Variants in OTX1 observed in about 807,000 individuals in gnomAD.
OTX1 encodes homeobox protein OTX1.
In OTX1, 7 loss-of-function variants were observed where a neutral mutation model predicts 26.7. The ratio of observed to expected loss-of-function variants is 0.26; its 90% CI spans 0.15 to 0.49. The LOEUF (loss-of-function observed/expected upper bound fraction) is 0.49. Ranked by LOEUF, OTX1 falls within the 20% of genes least tolerant of loss-of-function variation. OTX1 has a pLI of 0.98. For synonymous variants in OTX1, 216 were observed against 212.8 expected, an observed-to-expected ratio of 1.01 and a Z score of -0.13; for missense variants, 414 against 483.8, an observed-to-expected ratio of 0.86 and a Z score of 1.35.
chr2:63,055,555 G>A lies in OTX1; in HGVS notation c.304G>A (p.Gly102Arg). The change falls in exon 5 of 5, where the codon GGA becomes AGA. Residue 102 changes from glycine to arginine, a missense_variant. Physicochemically the swap from Gly to Arg is moderately radical, Grantham distance 125. Transcript: ENST00000282549. This position sits in a 1 kb window ranked among gnomAD's most constrained non-coding sequence, Gnocchi z 5.2. ...KCRQQQQSGS[G>R]TKSRPAKKKS... ...CCGCCAGCAGCAGCAGAGCGGGAGC[G>A]GAACCAAGAGCCGCCCAGCCAAGAA... is the stretch of plus-strand genomic sequence containing the variant. 3 of 1,614,148 alleles carry A rather than the reference G, an allele frequency of 1.9e-6. No individual in the cohort carries two copies. Among genetic ancestry groups the A allele is most frequent in the Non-Finnish European group, 2.5e-6 (3 of 1,180,032 alleles).
chr2:63,056,041 C>T lies in OTX1; in HGVS notation c.790C>T (p.Leu264Phe), dbSNP rs1367828799. The change falls in exon 5 of 5, where the codon CTC becomes TTC. Residue 264 changes from leucine to phenylalanine, a missense_variant. Leu to Phe is a conservative substitution (Grantham distance 22). This residue lies in a region of OTX1 where 320 missense variants were observed against 347.9 expected (regional missense o/e 0.92). Transcript: ENST00000282549. ...PMHSHHHPHQ[L>F]SPMAPSSMAG... ...GCACTCACATCACCACCCGCACCAG[C>T]TCAGCCCCATGGCACCCTCCTCCAT... 6.2e-7 allele frequency: 1 copy of T among 1,613,538 alleles called. No homozygotes were observed.
In OTX1 at chr2:63,055,685, C is replaced by G; in HGVS notation, c.434C>G (p.Ser145Cys). The G allele has an allele frequency of 2.5e-6, 4 of 1,613,874 alleles. No individual in the cohort carries two copies. The highest frequency in any genetic ancestry group is 3.4e-6 in the Non-Finnish European group (4 of 1,179,968). ...TCGTCCTCTAGCTCGGCGTCCAGCT[C>G]TTCCGCCAACCCAGCGGCTGCAGCG... is the stretch of plus-strand genomic sequence containing the variant. ...SASSSSSASS[S>C]SANPAAAAAA... is the part of the protein sequence containing the mutation. Residue 145 changes from serine (S) to cysteine (C), a missense_variant, in exon 5 of 5, where the codon TCT becomes TGT. By Grantham distance (112) the Ser-to-Cys change is moderately radical. Transcript: ENST00000282549. This position sits in a 1 kb window ranked among gnomAD's most constrained non-coding sequence, Gnocchi z 5.2.
chr2:63,056,424 G>A lies in OTX1; in HGVS notation c.*108G>A. 9.9e-7 allele frequency: 1 copy of A among 1,005,056 alleles called. No individual in the cohort carries two copies. Among genetic ancestry groups the A allele is most frequent in the Non-Finnish European group, 1.5e-6 (1 of 687,096 alleles). The allele number at this position is 1,005,056 out of a possible 1,614,324, so 62.3% of individuals were successfully genotyped here. A position where few individuals can be genotyped will look rare whatever the true frequency, so the allele number is the denominator to read the frequency against. On this transcript the variant is annotated 3_prime_UTR_variant, in exon 5 of 5. Coordinates refer to ENST00000282549, the MANE Select transcript of OTX1 (RefSeq NM_014562.4). ...CCTTTGCCTCGTCTTCTCCAAAACT[G>A]AATTTTCACCCCCCAAAAAGATGTC...
chr2:63,053,114 C>G (rs2062037869), intron 3 of OTX1, 27 bp downstream of exon 3: 2 of 1,448,440 alleles, frequency 1.4e-6, no homozygotes, highest in Non-Finnish European at 1.9e-6. Context: ...CCGACCCTGC[C>G]TCAGCCTCTC....
intron 3 of OTX1, among the ~76,000 whole-genome samples, chr2:63,053,757 G>A (rs1486270896): frequency 6.6e-6 from 1 of 152,078 alleles, no homozygotes; most frequent in Non-Finnish European, 1.5e-5. Context: ...CAGGGGAGAG[G>A]GGATGTAGAA....
chr2:63,054,871 AT>A (rs1207285217), intron 4 of OTX1, among the ~76,000 whole-genome samples: 1 of 152,180 alleles, frequency 6.6e-6, no homozygotes, highest in Non-Finnish European at 1.5e-5. Context: ...AAGAGTAACC[AT>A]TCCATTTGGT....
chr2:63,050,494 G>T (rs1375051691), upstream of OTX1, among the ~76,000 whole-genome samples: 1 of 152,202 alleles, frequency 6.6e-6, no homozygotes, highest in Non-Finnish European at 1.5e-5. Context: ...AGCGCCGAGA[G>T]CGCGAGAAGG....
chr2:63,055,477 T>A lies in OTX1; in HGVS notation c.250-24T>A, dbSNP rs751008670. ...GCTCCCCTAGCTCCCTTTGACCCAC[T>A]CTCCCCCATCCGGCCCACTGCAGGT... is the stretch of plus-strand genomic sequence containing the variant. On this transcript the variant is annotated intron_variant, in intron 4 of 4. Coordinates refer to ENST00000282549, the MANE Select transcript of OTX1 (RefSeq NM_014562.4). The surrounding 1 kb of genome is among the most constrained non-coding windows in gnomAD (Gnocchi z 5.2). 2.6e-5 allele frequency: 42 copies of A among 1,600,072 alleles called. No individual in the cohort carries two copies. The highest frequency in any genetic ancestry group is 1.8e-4 in the Middle Eastern group (1 of 5,440).
Position 63,057,442 on chromosome 2 carries a change from A to G in OTX1, c.*1126A>G, listed in dbSNP as rs2062076581. On this transcript the variant is annotated 3_prime_UTR_variant, in exon 5 of 5. Transcript: ENST00000282549. ...TCACCCGGTCTAAGCACAGGGTCGC[A>G]GTTCCAGTTTACAAACCTAAAACAA... 1.3e-5 allele frequency: 2 copies of G among 152,354 alleles called. No homozygotes were observed. The highest frequency in any genetic ancestry group is 4.1e-4 in the South Asian group (2 of 4,840). 9.4% of individuals were successfully genotyped at this position (152,354 alleles called of 1,614,324 possible).
chr2:63,055,845 C>A lies in OTX1; in HGVS notation c.594C>A (p.Ala198=). 1 of 1,612,176 alleles carries A rather than the reference C, an allele frequency of 6.2e-7. No individual in the cohort carries two copies. Residue 198 remains alanine (A), a synonymous_variant, in exon 5 of 5, where the codon GCC becomes GCA. Transcript: ENST00000282549. The surrounding 1 kb of genome is among the most constrained non-coding windows in gnomAD (Gnocchi z 5.2). ...PASVSVPEPL[A]APSNTSCMQR... is the part of the protein sequence containing the mutation. Reference sequence around the variant, plus strand: ...CCGTGTCGGTGCCGGAGCCATTGGCCGCGCCTAGCAACACCTCGTGTATGC... The same window carrying A: ...CCGTGTCGGTGCCGGAGCCATTGGCAGCGCCTAGCAACACCTCGTGTATGC...
rs535738490 is a variant in OTX1 at position 63,053,103 on chromosome 2, C to T, written c.97+16C>T. On this transcript the variant is annotated intron_variant, in intron 3 of 4. Transcript: ENST00000282549. ...GGCTATCCGGGTGAGCACCAGCCCTCCCGACCCTGCCTCAGCCTCTCAAAT... is the reference window on the plus strand; with the variant it reads ...GGCTATCCGGGTGAGCACCAGCCCTTCCGACCCTGCCTCAGCCTCTCAAAT... The T allele has an allele frequency of 3.2e-5, 48 of 1,506,772 alleles. No individual in the cohort carries two copies. The South Asian group carries it at 5.6e-4, about 18-fold the overall frequency. The allele number at this position is 1,506,772 out of a possible 1,614,324, so 93.3% of individuals were successfully genotyped here. A position where few individuals can be genotyped will look rare whatever the true frequency, so the allele number is the denominator to read the frequency against.
chr2:63,055,667 C>G lies in OTX1; in HGVS notation c.416C>G (p.Ser139Cys). 1 of 1,614,068 alleles carries G rather than the reference C, an allele frequency of 6.2e-7. No individual in the cohort carries two copies. Among genetic ancestry groups the G allele is most frequent in the Non-Finnish European group, 8.5e-7 (1 of 1,180,012 alleles). Residue 139 changes from serine to cysteine, a missense_variant, in exon 5 of 5, where the codon TCT (serine) becomes TGT (cysteine). Transcript: ENST00000282549. This position sits in a 1 kb window ranked among gnomAD's most constrained non-coding sequence, Gnocchi z 5.2. ...GCTGTGTCCAGCTCTGCCTCGTCCTCTAGCTCGGCGTCCAGCTCTTCCGCC... is the reference window on the plus strand; with the variant it reads ...GCTGTGTCCAGCTCTGCCTCGTCCTGTAGCTCGGCGTCCAGCTCTTCCGCC... ...PPAVSSSASS[S>C]SSASSSSANP...
intron 2 of OTX1, 81 bp downstream of exon 2, chr2:63,051,398 G>A (rs1341066649): frequency 6.6e-6 from 1 of 152,316 alleles, no homozygotes; most frequent in African/African-American, 2.4e-5. Context: ...AATGGATCCC[G>A]GCTTCCCCGG....
chr2:63,056,293 T>G lies in OTX1; in HGVS notation c.1042T>G (p.Ser348Ala). 1 of 1,612,828 alleles carries G rather than the reference T, an allele frequency of 6.2e-7. No homozygotes were observed. Among genetic ancestry groups the G allele is most frequent in the Non-Finnish European group, 8.5e-7 (1 of 1,179,094 alleles). The change falls in exon 5 of 5, where the codon TCA (serine) becomes GCA (alanine). Residue 348 changes from serine (S) to alanine (A), a missense_variant. Physicochemically the swap from Ser to Ala is moderately conservative, Grantham distance 99. Coordinates refer to ENST00000282549, the MANE Select transcript of OTX1 (RefSeq NM_014562.4). Reference sequence around the variant, plus strand: ...CTGTCTGGACTATAAGGACCAAGCCTCATGGCGGTTCCAGGTCTTGTGAGC... The same window carrying G: ...CTGTCTGGACTATAAGGACCAAGCCGCATGGCGGTTCCAGGTCTTGTGAGC... Reference protein sequence around the residue: ...PDCLDYKDQASWRFQVL With the variant: ...PDCLDYKDQAAWRFQVL
rs756209016 is a variant in OTX1, at chr2:63,055,978, T to C, written c.727T>C (p.Phe243Leu). 6.2e-7 allele frequency: 1 copy of C among 1,613,782 alleles called. No homozygotes were observed. The highest frequency in any genetic ancestry group is 8.5e-7 in the Non-Finnish European group (1 of 1,180,032). ...CTACCCTACGCCCTCCTCTTCCTAC[T>C]TTGGCGGCGTGGACTGCAGCTCATA... Reference protein sequence around the residue: ...QGYPTPSSSYFGGVDCSSYLA... With the variant: ...QGYPTPSSSYLGGVDCSSYLA... The change falls in exon 5 of 5, where the codon TTT becomes CTT. Residue 243 changes from phenylalanine to leucine, a missense_variant. Transcript: ENST00000282549. The surrounding 1 kb of genome is among the most constrained non-coding windows in gnomAD (Gnocchi z 5.2).
intron 4 of OTX1, among the ~76,000 whole-genome samples, chr2:63,054,653 G>T (rs1574628933): frequency 6.6e-6 from 1 of 152,122 alleles, no homozygotes; most frequent in African/African-American, 2.4e-5. Flanking sequence ...CTCTGCCTGG[G>T]TCTCATTAGA....
chr2:63,049,878 C>T (rs1349123195), upstream of OTX1, among the ~76,000 whole-genome samples: 2 of 152,204 alleles, frequency 1.3e-5, no homozygotes, highest in African/African-American at 2.4e-5. The surrounding 1 kb of genome is among the most constrained non-coding windows in gnomAD (Gnocchi z 4.8). Flanking sequence ...GGGAAATCGC[C>T]TCAAGGAGGA....
intron 4 of OTX1, among the ~76,000 whole-genome samples, chr2:63,054,966 T>C (rs986826530): frequency 6.6e-6 from 1 of 152,224 alleles, no homozygotes; most frequent in Non-Finnish European, 1.5e-5. Flanking sequence ...GTTTAGCCTC[T>C]GGCCTTGCTC....
At position 63,056,121 on chromosome 2, in the gene OTX1, A is replaced by T. The variant is rs1159837199; in HGVS notation, c.870A>T (p.Ser290=). ...CGCACCACCCGTTGAGCCAGTCCTC[A>T]GGCCACCACCACCACCATCACCACC... is the stretch of plus-strand genomic sequence containing the variant. ...PHAHHPLSQS[S]GHHHHHHHHH... The change falls in exon 5 of 5, where the codon TCA becomes TCT. Residue 290 remains serine, a synonymous_variant. Transcript: ENST00000282549. 2 of 1,613,716 alleles carry T rather than the reference A, an allele frequency of 1.2e-6. No individual in the cohort carries two copies. Among genetic ancestry groups the T allele is most frequent in the Non-Finnish European group, 1.7e-6 (2 of 1,179,950 alleles).
Sources: gnomAD v4.1 joint callset for allele counts (sites outside exome capture counted in the v4.1 genomes callset) on GRCh38, gnomAD v4.1.1 for gene constraint, gnomAD v4.1.1 regional missense constraint, Gnocchi (gnomAD v3.1) non-coding constraint, MANE v1.5 for transcripts, NCBI Gene and HGNC (gene_info 2026-07-23, HGNC 2026-07-21) for gene names.